Variants in PAWR observed in about 807,000 individuals in gnomAD.
PAWR encodes the protein pro-apoptotic WT1 regulator.
In PAWR, 23 loss-of-function variants were observed where a neutral mutation model predicts 32.0. The ratio of observed to expected loss-of-function variants is 0.72; its 90% CI spans 0.52 to 1.02. PAWR has a LOEUF of 1.02. PAWR is among the 50% of genes least tolerant of loss of function. PAWR has a pLI of 0.00. For missense variants in PAWR, 457 were observed against 437.7 expected, an observed-to-expected ratio of 1.04 and a Z score of -0.39; for synonymous variants, 226 against 187.1, an observed-to-expected ratio of 1.21 and a Z score of -1.70.
rs1457120536 is a variant in PAWR at position 79,590,150 on chromosome 12, T to G, written c.*2457A>C. On this transcript the variant is annotated 3_prime_UTR_variant, in exon 7 of 7. Transcript: ENST00000328827. ...GCCAAAAAAATCACTGCTAGAAATG[T>G]TCCCCAAAAAATTCTTAAACAGCTC... 1 of 152,100 alleles carries G rather than the reference T, an allele frequency of 6.6e-6. No individual in the cohort carries two copies. Among genetic ancestry groups the G allele is most frequent in the Non-Finnish European group, 1.5e-5 (1 of 68,004 alleles). 9.4% of individuals were successfully genotyped at this position (152,100 alleles called of 1,614,324 possible). A position where few individuals can be genotyped will look rare whatever the true frequency, so the allele number is the denominator to read the frequency against.
At chr12:79,687,770 C>G (rs1878753557) in intron 2 of PAWR, among the ~76,000 whole-genome samples, 1 of 152,124 alleles carries the variant, frequency 6.6e-6, no homozygotes, top group South Asian at 2.1e-4. Flanking sequence ...AGTTTTGCAT[C>G]ATATATTTTA....
intron 2 of PAWR, among the ~76,000 whole-genome samples, chr12:79,637,887 T>C (rs186192280): frequency 2.0e-5 from 3 of 152,314 alleles, no homozygotes; most frequent in African/African-American, 4.8e-5. Context: ...CTATGAGAAC[T>C]AGTTCTTTTT....
chr12:79,595,142 C>T (rs1873702251), intron 5 of PAWR, among the ~76,000 whole-genome samples: 1 of 152,106 alleles, frequency 6.6e-6, no homozygotes, highest in Admixed American at 6.5e-5. Context: ...AAGGAGATGG[C>T]CCAATAGAAA....
intron 2 of PAWR, among the ~76,000 whole-genome samples, chr12:79,676,404 T>C (rs1308101010): frequency 6.6e-6 from 1 of 152,126 alleles, no homozygotes; most frequent in Admixed American, 6.6e-5. Flanking sequence ...AGCTCCCCTA[T>C]GTACTCCAAC....
Position 79,645,084 on chromosome 12 carries a change from T to C in PAWR, c.517-23877A>G, listed in dbSNP as rs114165759. 3.9e-3 allele frequency among the ~76,000 whole-genome samples: 505 copies of C among 130,502 alleles called. 3 individuals are homozygous for C. The highest frequency in any genetic ancestry group is 0.015 in the African/African-American group (465 of 30,830). 85.6% of individuals were successfully genotyped at this position (130,502 alleles called of 152,430 possible). Reference sequence around the variant, plus strand: ...CACACACACAAAAATCAATGTGGAATAGGAAATGAGGGTAGAGCTTCTAAT... The same window carrying C: ...CACACACACAAAAATCAATGTGGAACAGGAAATGAGGGTAGAGCTTCTAAT... On this transcript the variant is annotated intron_variant, in intron 2 of 6. Transcript: ENST00000328827.
intron 2 of PAWR, among the ~76,000 whole-genome samples, chr12:79,638,995 C>T (rs1437790998): frequency 7.2e-6 from 1 of 139,246 alleles, no homozygotes; most frequent in African/African-American, 2.7e-5. Flanking sequence ...TCACTGCAAC[C>T]TCCACCTCCT....
chr12:79,618,430 T>G (rs1161731776), intron 3 of PAWR, among the ~76,000 whole-genome samples: 2 of 152,138 alleles, frequency 1.3e-5, no homozygotes, highest in Non-Finnish European at 2.9e-5. Context: ...CACCAGGCCC[T>G]TATCACTTCT....
chr12:79,645,777 A>C (rs541382463), intron 2 of PAWR, among the ~76,000 whole-genome samples: 85 of 152,350 alleles, frequency 5.6e-4, no homozygotes, highest in African/African-American at 1.9e-3. Context: ...TTTCAGAGCT[A>C]TTAGCTCCTA....
chr12:79,680,033 G>A (rs541490508), intron 2 of PAWR, among the ~76,000 whole-genome samples: 137 of 152,306 alleles, frequency 9.0e-4, no homozygotes, highest in African/African-American at 3.2e-3. Context: ...ATTTTAGACA[G>A]ATTGATGGGG....
chr12:79,646,626 T>C (rs891953162), intron 2 of PAWR, among the ~76,000 whole-genome samples: 5 of 152,136 alleles, frequency 3.3e-5, no homozygotes, highest in Admixed American at 3.3e-4. Context: ...AGAAAAAGAC[T>C]TAATTGTGGT....
At chr12:79,638,896 ATTTTTTTTTTTTTTTTTTT>A (rs60375837) in intron 2 of PAWR, among the ~76,000 whole-genome samples, 2 of 10,008 alleles carry the variant, frequency 2.0e-4, no homozygotes, top group African/African-American at 3.6e-4. Flanking sequence ...ATATATATAT[ATTTTTTTTTTTTTTTTTTT>A]TTTTTTTTTT....
intron 2 of PAWR, among the ~76,000 whole-genome samples, chr12:79,655,064 A>G (rs1014631694): frequency 1.3e-5 from 2 of 152,204 alleles, no homozygotes; most frequent in African/African-American, 4.8e-5. Context: ...AGGAAAAGTT[A>G]AGGAAATAAG....
At chr12:79,615,889 C>G (rs1051112752) in intron 3 of PAWR, among the ~76,000 whole-genome samples, 1 of 151,676 alleles carries the variant, frequency 6.6e-6, no homozygotes, top group African/African-American at 2.4e-5. Context: ...AAACTCTTAT[C>G]TCTACATAAA....
chr12:79,678,088 T>G (rs1490843151), intron 2 of PAWR, among the ~76,000 whole-genome samples: 1 of 152,228 alleles, frequency 6.6e-6, no homozygotes, highest in Non-Finnish European at 1.5e-5. Context: ...AGTTTCTTTT[T>G]AATGCATATG....
intron 2 of PAWR, among the ~76,000 whole-genome samples, chr12:79,675,170 A>G (rs1878102231): frequency 6.6e-6 from 1 of 152,118 alleles, no homozygotes; most frequent in African/African-American, 2.4e-5. Context: ...TGGGCTCAGG[A>G]GTTCAAGACC....
At chr12:79,659,350 T>A (rs541762341) in intron 2 of PAWR, among the ~76,000 whole-genome samples, 1 of 152,294 alleles carries the variant, frequency 6.6e-6, no homozygotes, top group Non-Finnish European at 1.5e-5. Context: ...TAATGTATTT[T>A]GGCAGGGGCA....
intron 2 of PAWR, among the ~76,000 whole-genome samples, chr12:79,664,655 T>TGGCG (rs1877512392): frequency 3.4e-5 from 1 of 29,714 alleles, no homozygotes; most frequent in African/African-American, 2.8e-4. Context: ...GTAGACTCTT[T>TGGCG]GGCGGGGGGG....
At chr12:79,620,931 T>G (rs1180388873) in intron 3 of PAWR, 145 bp downstream of exon 3, 2 of 632,144 alleles carry the variant, frequency 3.2e-6, no homozygotes, top group Non-Finnish European at 5.5e-6. Context: ...CAACATGTGA[T>G]GTCAGAACCC....
intron 4 of PAWR, 69 bp downstream of exon 4, chr12:79,613,506 T>C: frequency 1.3e-6 from 1 of 787,190 alleles, no homozygotes; most frequent in East Asian, 2.5e-5. Context: ...TAAATAGTTC[T>C]AGTTAAGTCA....
Sources: gnomAD v4.1 joint callset for allele counts (sites outside exome capture counted in the v4.1 genomes callset) on GRCh38, gnomAD v4.1.1 for gene constraint, MANE v1.5 for transcripts, NCBI Gene and HGNC (gene_info 2026-07-23, HGNC 2026-07-21) for gene names.